The following ETFDH variants were observed in gnomAD, a reference collection of about 807,000 sequenced individuals.
ETFDH encodes electron transfer flavoprotein dehydrogenase.
Under a neutral mutation model 73.2 loss-of-function variants are expected in ETFDH, and 61 were observed. The ratio of observed to expected loss-of-function variants is 0.83; its 90% CI spans 0.68 to 1.03. ETFDH has a LOEUF of 1.03. ETFDH is among the 50% of genes least tolerant of loss of function. ETFDH has a pLI of 0.00. For missense variants in ETFDH, 685 were observed against 745.0 expected (o/e 0.92, Z 0.94); for synonymous variants, 243 against 253.3 (o/e 0.96, Z 0.39).
At chr4:158,690,004 T>TCTTC (rs1330522220) in intron 5 of ETFDH, among the ~76,000 whole-genome samples, 2 of 152,166 alleles carry the variant, frequency 1.3e-5, no homozygotes, top group African/African-American at 4.8e-5. Context: ...CTTCATGTGT[T>TCTTC]ACAGGCCTCC....
intron 10 of ETFDH, 70 bp downstream of exon 10, chr4:158,703,661 AG>A: frequency 1.1e-6 from 1 of 927,248 alleles, no homozygotes; most frequent in African/African-American, 1.6e-5. Context: ...TGACATTAAA[AG>A]ATTTGTATTG....
intron 9 of ETFDH, 93 bp from the exon 10 acceptor site, chr4:158,703,330 C>T (rs1046544175): frequency 2.2e-6 from 2 of 893,212 alleles, no homozygotes; most frequent in South Asian, 1.4e-5. Context: ...CCTTTCCCTA[C>T]AGCTCTAGAA....
intron 1 of ETFDH, among the ~76,000 whole-genome samples, chr4:158,677,543 C>T (rs1773741168): frequency 6.6e-6 from 1 of 152,186 alleles, no homozygotes; most frequent in Non-Finnish European, 1.5e-5. Context: ...TGTAAATGTT[C>T]CTCACAAGAG....
intron 2 of ETFDH, 91 bp from the exon 3 acceptor site, chr4:158,682,104 C>G (rs1773873385): frequency 6.4e-7 from 1 of 1,570,734 alleles, no homozygotes; most frequent in Admixed American, 1.7e-5. Flanking sequence ...ATAAATAATA[C>G]TCTAAAGCAC....
At chr4:158,673,226 C>T (rs1323102053) in intron 1 of ETFDH, among the ~76,000 whole-genome samples, 2 of 152,178 alleles carry the variant, frequency 1.3e-5, no homozygotes, top group Admixed American at 6.5e-5. Flanking sequence ...ATCACTTGAA[C>T]CCGGAGGTGG....
chr4:158,706,690 C>T lies in ETFDH; in HGVS notation c.1530C>T (p.Pro510=), dbSNP rs754795292. Residue 510 remains proline (P), a synonymous_variant, in exon 12 of 13, where the codon CCC becomes CCT. Coordinates refer to ENST00000511912, the MANE Select transcript of ETFDH (RefSeq NM_004453.4). ...KDCTPIEYPK[P]DGQISFDLLS... is the part of the protein sequence containing the mutation. The stretch of plus-strand genomic sequence containing the variant: ...GCACACCTATTGAGTATCCAAAACC[C>T]GATGGACAGATCAGTTTTGACCTCT... 4.2e-5 allele frequency: 67 copies of T among 1,614,024 alleles called. No individual in the cohort carries two copies. In the Middle Eastern group the frequency reaches 6.6e-4, roughly 16 times the overall value.
At chr4:158,684,759 C>G in intron 4 of ETFDH, 86 bp downstream of exon 4, 1 of 832,760 alleles carries the variant, frequency 1.2e-6, no homozygotes, top group Non-Finnish European at 2.1e-6. Flanking sequence ...CCTCCTTTTA[C>G]AGACAAGAAC....
At chr4:158,689,636 A>ATATATT (rs765147554) in intron 5 of ETFDH, among the ~76,000 whole-genome samples, 2,803 of 63,570 alleles carry the variant, frequency 0.044, 683 homozygotes, top group South Asian at 0.063. Context: ...ATATATATAT[A>ATATATT]TTGTGGGGGG....
Position 158,680,612 on chromosome 4 carries a change from G to C in ETFDH, c.175+5G>C. 1.2e-6 allele frequency: 2 copies of C among 1,607,274 alleles called. No individual in the cohort carries two copies. Among genetic ancestry groups the C allele is most frequent in the Non-Finnish European group, 1.7e-6 (2 of 1,173,906 alleles). On this transcript the variant is annotated splice_donor_5th_base_variant and intron_variant, in intron 2 of 12. Coordinates refer to ENST00000511912, the MANE Select transcript of ETFDH (RefSeq NM_004453.4). ...ATAAGGACAAGAGATGGGAAGGTAA[G>C]TAATAATTTGTGTACAATTCCTGAG...
chr4:158,700,873 A>G (rs1774445712), intron 9 of ETFDH: 1 of 152,184 alleles, frequency 6.6e-6, no homozygotes, highest in South Asian at 2.1e-4. Flanking sequence ...ATCCTTCCTT[A>G]GGAAGAGTGA....
chr4:158,688,064 G>A (rs1232533093), intron 5 of ETFDH, among the ~76,000 whole-genome samples: 1 of 150,456 alleles, frequency 6.6e-6, no homozygotes, highest in Non-Finnish European at 1.5e-5. Context: ...AAAATCGCCT[G>A]AGGACCCAGA....
chr4:158,691,016 A>G (rs1361479479), intron 6 of ETFDH, among the ~76,000 whole-genome samples: 2 of 152,232 alleles, frequency 1.3e-5, no homozygotes, highest in African/African-American at 4.8e-5. Context: ...GGTTTAGGCA[A>G]GTAGTTATAA....
intron 4 of ETFDH, 50 bp downstream of exon 4, chr4:158,684,723 G>T: frequency 9.7e-7 from 1 of 1,027,116 alleles, no homozygotes; most frequent in South Asian, 1.3e-5. Context: ...CAGCTGGAAG[G>T]AACTACATTT....
chr4:158,689,631 TA>T lies in ETFDH; in HGVS notation c.607-716del, dbSNP rs1561242408. Reference sequence around the variant, plus strand: ...ATATATATATATATATATATATATATATATATTGTGGGGGGGTGGGTTCATA... The same window carrying T: ...ATATATATATATATATATATATATATTATATTGTGGGGGGGTGGGTTCATA... On this transcript the variant is annotated intron_variant, in intron 5 of 12. Coordinates refer to ENST00000511912, the MANE Select transcript of ETFDH (RefSeq NM_004453.4). Among the ~76,000 whole-genome samples, 875 of 118,196 alleles carry T rather than the reference TA, an allele frequency of 7.4e-3. 83 individuals are homozygous for T. Among genetic ancestry groups the T allele is most frequent in the African/African-American group, 0.024 (702 of 28,848 alleles). The allele number at this position is 118,196 out of a possible 152,430, so 77.5% of individuals were successfully genotyped here. A position where few individuals can be genotyped will look rare whatever the true frequency, so the allele number is the denominator to read the frequency against.
intron 1 of ETFDH, 119 bp from the exon 2 acceptor site, chr4:158,680,348 G>T: frequency 1.5e-6 from 1 of 671,288 alleles, no homozygotes; most frequent in South Asian, 1.8e-5. Context: ...TGTTCACCTA[G>T]GAAAGATTAT....
Position 158,697,688 on chromosome 4 carries a change from C to G in ETFDH, c.961C>G (p.Leu321Val). The G allele has an allele frequency of 6.2e-7, 1 of 1,613,700 alleles. No homozygotes were observed. The highest frequency in any genetic ancestry group is 8.5e-7 in the Non-Finnish European group (1 of 1,179,728). ...GAATGAAGGTGAACCCCTAGTAGCTCTTGGTCTTGTGGTAAGTTATATTCC... is the reference window on the plus strand; with the variant it reads ...GAATGAAGGTGAACCCCTAGTAGCTGTTGGTCTTGTGGTAAGTTATATTCC... ...HLNEGEPLVA[L>V]GLVVGLDYQN... Residue 321 changes from leucine to valine, a missense_variant, in exon 8 of 13, where the codon CTT (leucine) becomes GTT (valine). This residue lies in a region of ETFDH where 405 missense variants were observed against 399.3 expected (regional missense o/e 1.01). Transcript: ENST00000511912.
Position 158,672,369 on chromosome 4 carries a change from C to G in ETFDH, c.-88C>G. ...TCTTGCTTTCCGGCAGGTGATGGCG[C>G]CCCCCGCGGCCTAGAGGTCCAGCGC... On this transcript the variant is annotated 5_prime_UTR_variant, in exon 1 of 13. Coordinates refer to ENST00000511912, the MANE Select transcript of ETFDH (RefSeq NM_004453.4). The G allele has an allele frequency of 1.4e-6, 2 of 1,384,080 alleles. No individual in the cohort carries two copies. The highest frequency in any genetic ancestry group is 2.3e-5 in the East Asian group (1 of 43,816). 85.7% of individuals were successfully genotyped at this position (1,384,080 alleles called of 1,614,324 possible).
At chr4:158,704,131 T>G (rs1774543036) in intron 10 of ETFDH, among the ~76,000 whole-genome samples, 1 of 152,170 alleles carries the variant, frequency 6.6e-6, no homozygotes, top group Non-Finnish European at 1.5e-5. Context: ...ACCAGTGGTG[T>G]CCCACCTAGT....
intron 5 of ETFDH, among the ~76,000 whole-genome samples, chr4:158,690,059 G>C (rs72969646): frequency 6.6e-6 from 1 of 152,066 alleles, no homozygotes; most frequent in Non-Finnish European, 1.5e-5. Flanking sequence ...GGCACTTCTT[G>C]TTTAATCTTA....
Sources: allele counts gnomAD v4.1 joint callset (sites outside exome capture counted in the v4.1 genomes callset), GRCh38; gene constraint gnomAD v4.1.1; regional missense constraint gnomAD v4.1.1; transcripts MANE v1.5; gene names NCBI Gene and HGNC (gene_info 2026-07-23, HGNC 2026-07-21).